KCNH7: variants seen among roughly 807,000 people sequenced by gnomAD.
KCNH7 encodes voltage-gated inwardly rectifying potassium channel KCNH7.
KCNH7 carries 49 observed loss-of-function variants against 120.8 expected under a neutral mutation model. The ratio of observed to expected loss-of-function variants is 0.41; its 90% CI spans 0.32 to 0.51. KCNH7 has a LOEUF of 0.51. KCNH7 is among the 20% of genes least tolerant of loss of function. The probability of loss-of-function intolerance (pLI) is 0.38; values close to 1 mark genes in which losing one functional copy is unlikely to be tolerated. For synonymous variants in KCNH7, 547 were observed against 516.1 expected (o/e 1.06, Z -0.81); for missense variants, 1,097 against 1,446.6 (o/e 0.76, Z 3.92).
At chr2:162,415,960 G>A (rs967879217) in intron 9 of KCNH7, among the ~76,000 whole-genome samples, 6 of 152,118 alleles carry the variant, frequency 3.9e-5, no homozygotes, top group African/African-American at 9.6e-5. Context: ...TTAGAAGTCC[G>A]GCTTGTAAAA....
intron 6 of KCNH7, among the ~76,000 whole-genome samples, chr2:162,450,500 T>C (rs1688732999): frequency 6.6e-6 from 1 of 152,096 alleles, no homozygotes; most frequent in Admixed American, 6.6e-5. Flanking sequence ...TTTATTTATA[T>C]AGCAAGCATT....
At chr2:162,661,279 G>T (rs979687041) in intron 2 of KCNH7, among the ~76,000 whole-genome samples, 2 of 152,054 alleles carry the variant, frequency 1.3e-5, no homozygotes, top group Non-Finnish European at 2.9e-5. Flanking sequence ...TTTTCAGGAG[G>T]TTACCAAAAC....
At chr2:162,528,731 G>A (rs901362393) in intron 3 of KCNH7, among the ~76,000 whole-genome samples, 9 of 151,998 alleles carry the variant, frequency 5.9e-5, no homozygotes, top group South Asian at 4.2e-4. Flanking sequence ...TGTGATGTAC[G>A]GCAATATAAC....
chr2:162,834,169 A>G (rs1233123437), intron 2 of KCNH7, among the ~76,000 whole-genome samples: 1 of 152,052 alleles, frequency 6.6e-6, no homozygotes, highest in African/African-American at 2.4e-5. Flanking sequence ...TTTGTATCTC[A>G]TAAGCTCTAA....
chr2:162,599,340 A>G (rs1004652433), intron 2 of KCNH7, among the ~76,000 whole-genome samples: 2 of 152,088 alleles, frequency 1.3e-5, no homozygotes, highest in African/African-American at 4.8e-5. Context: ...CCCCTACAAG[A>G]TGACATTATT....
chr2:162,468,704 T>A (rs1689391279), intron 6 of KCNH7, among the ~76,000 whole-genome samples: 1 of 151,824 alleles, frequency 6.6e-6, no homozygotes, highest in Non-Finnish European at 1.5e-5. Flanking sequence ...GTATTTTTAG[T>A]AGAGATAGAA....
intron 2 of KCNH7, among the ~76,000 whole-genome samples, chr2:162,733,781 T>G (rs1258559153): frequency 1.3e-5 from 2 of 152,078 alleles, no homozygotes; most frequent in Admixed American, 1.3e-4. Flanking sequence ...TGAACCTGAT[T>G]TTTTTTTAAG....
intron 2 of KCNH7, among the ~76,000 whole-genome samples, chr2:162,669,221 A>T (rs1430714487): frequency 6.6e-6 from 1 of 152,192 alleles, no homozygotes; most frequent in East Asian, 1.9e-4. Flanking sequence ...GAAAGATGTG[A>T]CTGTTTAAAC....
intron 2 of KCNH7, among the ~76,000 whole-genome samples, chr2:162,664,306 A>G (rs1288877590): frequency 6.6e-6 from 1 of 152,136 alleles, no homozygotes; most frequent in Non-Finnish European, 1.5e-5. Context: ...TCCTGGATAA[A>G]ACTCCAGGTG....
chr2:162,491,250 T>C (rs566838854), intron 6 of KCNH7, among the ~76,000 whole-genome samples: 1 of 152,316 alleles, frequency 6.6e-6, no homozygotes, highest in Admixed American at 6.5e-5. Flanking sequence ...TAGAGGTTTT[T>C]CCCCCAGGCA....
At chr2:162,833,578 G>A (rs1170380001) in intron 2 of KCNH7, among the ~76,000 whole-genome samples, 1 of 152,076 alleles carries the variant, frequency 6.6e-6, no homozygotes, top group Non-Finnish European at 1.5e-5. Flanking sequence ...ATCCTCAAAG[G>A]AAGAGCTGTC....
At chr2:162,780,397 T>C (rs1440452061) in intron 2 of KCNH7, among the ~76,000 whole-genome samples, 1 of 152,116 alleles carries the variant, frequency 6.6e-6, no homozygotes, top group East Asian at 1.9e-4. Flanking sequence ...TTTGTAGGGA[T>C]TTTTTCCTAA....
At chr2:162,424,472 T>A (rs1687797338) in intron 8 of KCNH7, among the ~76,000 whole-genome samples, 2 of 152,236 alleles carry the variant, frequency 1.3e-5, no homozygotes, top group African/African-American at 4.8e-5. Context: ...TCTTTGGGCA[T>A]CTATCAGAAA....
intron 2 of KCNH7, among the ~76,000 whole-genome samples, chr2:162,586,882 T>G (rs1004886993): frequency 6.6e-6 from 1 of 152,092 alleles, no homozygotes; most frequent in Non-Finnish European, 1.5e-5. Flanking sequence ...AGCCATACTA[T>G]ACCTTTTTTG....
At chr2:162,576,702 A>G (rs544048992) in intron 2 of KCNH7, among the ~76,000 whole-genome samples, 17 of 152,118 alleles carry the variant, frequency 1.1e-4, no homozygotes, top group South Asian at 2.1e-4. Flanking sequence ...AACAAGTGGT[A>G]AAACATACAC....
intron 2 of KCNH7, among the ~76,000 whole-genome samples, chr2:162,746,895 T>C (rs1274291588): frequency 6.6e-6 from 1 of 152,138 alleles, no homozygotes; most frequent in Non-Finnish European, 1.5e-5. Context: ...CAGAGATTCT[T>C]TTCTTCCTCT....
chr2:162,724,769 T>C (rs1687459624), intron 2 of KCNH7, among the ~76,000 whole-genome samples: 2 of 152,096 alleles, frequency 1.3e-5, no homozygotes, highest in South Asian at 4.1e-4. Flanking sequence ...TATACCCACC[T>C]ATTTTCAAAC....
chr2:162,688,915 C>T (rs1183580582), intron 2 of KCNH7, among the ~76,000 whole-genome samples: 1 of 151,672 alleles, frequency 6.6e-6, no homozygotes, highest in Non-Finnish European at 1.5e-5. Flanking sequence ...TTTTCTGTTG[C>T]TTATTTGCTG....
rs1262243328 is a variant in KCNH7, at chr2:162,660,634, T to G, written c.308-123554A>C. On this transcript the variant is annotated intron_variant, in intron 2 of 15. Transcript: ENST00000332142. The stretch of plus-strand genomic sequence containing the variant: ...TTAATTATATTCAATTGGTTGATGC[T>G]GCTGTTGATTTCAACTATACCATTC... Among the ~76,000 whole-genome samples the G allele has an allele frequency of 2.0e-5, 3 of 152,334 alleles. No homozygotes were observed. In the East Asian group the frequency reaches 5.8e-4, roughly 29 times the overall value.
Sources: allele counts gnomAD v4.1 joint callset (sites outside exome capture counted in the v4.1 genomes callset), GRCh38; gene constraint gnomAD v4.1.1; transcripts MANE v1.5; gene names NCBI Gene and HGNC (gene_info 2026-07-23, HGNC 2026-07-21).